The following EXOC6B variants were observed in gnomAD, a reference collection of about 807,000 sequenced individuals.
The protein encoded by EXOC6B is SEC15 homolog B.
EXOC6B carries 54 observed loss-of-function variants against 113.5 expected under a neutral mutation model. The observed-to-expected ratio is 0.48, with a 90% CI of 0.38 to 0.60. The LOEUF is 0.60. Among genes scored for constraint, EXOC6B ranks in the 20% least tolerant of loss-of-function variants. EXOC6B has a pLI of 0.00. For missense variants in EXOC6B, 797 were observed against 977.5 expected, an observed-to-expected ratio of 0.82 and a Z score of 2.46; for synonymous variants, 357 against 339.0, an observed-to-expected ratio of 1.05 and a Z score of -0.58.
At chr2:72,414,943 G>A (rs541777277) in intron 18 of EXOC6B, among the ~76,000 whole-genome samples, 114 of 152,010 alleles carry the variant, frequency 7.5e-4, no homozygotes, top group African/African-American at 2.5e-3. Flanking sequence ...ACAAGGTTTC[G>A]CCATGTTGCC....
intron 16 of EXOC6B, among the ~76,000 whole-genome samples, chr2:72,486,878 A>C (rs1034544987): frequency 6.6e-6 from 1 of 152,120 alleles, no homozygotes; most frequent in Admixed American, 6.5e-5. Context: ...AAACAAAAAA[A>C]AAAACCTGTC....
At chr2:72,546,938 T>C (rs1056533469) in intron 8 of EXOC6B, among the ~76,000 whole-genome samples, 1 of 152,224 alleles carries the variant, frequency 6.6e-6, no homozygotes. Flanking sequence ...CTGTAGTCAA[T>C]AGATACCTGA....
chr2:72,256,744 T>C (rs920321054), intron 20 of EXOC6B, among the ~76,000 whole-genome samples: 5 of 152,218 alleles, frequency 3.3e-5, no homozygotes, highest in African/African-American at 1.2e-4. Context: ...TATCTATTTT[T>C]ACAAAGCTGC....
At chr2:72,676,932 T>C (rs1475849430) in intron 6 of EXOC6B, among the ~76,000 whole-genome samples, 1 of 152,194 alleles carries the variant, frequency 6.6e-6, no homozygotes, top group Non-Finnish European at 1.5e-5. Flanking sequence ...AAAGGAATTC[T>C]ACCAAAAACC....
In EXOC6B at chr2:72,231,836, A is replaced by G. The variant is rs1489841363; in HGVS notation, c.2197-47649T>C. ...CTTATACACTGCTGGTGGGAATGTA[A>G]ATTAGTTCAGCCATTGTGGAAAGCA... On this transcript the variant is annotated intron_variant, in intron 20 of 21. Transcript: ENST00000272427. 4.6e-5 allele frequency among the ~76,000 whole-genome samples: 7 copies of G among 152,272 alleles called. No homozygotes were observed. In the East Asian group the frequency reaches 1.4e-3, roughly 29 times the overall value.
intron 18 of EXOC6B, among the ~76,000 whole-genome samples, chr2:72,404,552 A>G (rs1366213308): frequency 6.6e-6 from 1 of 152,152 alleles, no homozygotes; most frequent in Non-Finnish European, 1.5e-5. Flanking sequence ...CTGTTCACCA[A>G]TATTCACTGT....
At chr2:72,186,992 G>A (rs978874383) in intron 20 of EXOC6B, among the ~76,000 whole-genome samples, 1 of 152,182 alleles carries the variant, frequency 6.6e-6, no homozygotes, top group African/African-American at 2.4e-5. Context: ...AGGGACACTG[G>A]AGTCAGGTGT....
intron 1 of EXOC6B, among the ~76,000 whole-genome samples, chr2:72,816,173 TA>T (rs1417072828): frequency 2.0e-5 from 3 of 151,632 alleles, no homozygotes; most frequent in Non-Finnish European, 4.4e-5. Flanking sequence ...ACAAAACAAA[TA>T]AAAAAAGAAA....
At chr2:72,581,040 G>C (rs1425570367) in intron 6 of EXOC6B, among the ~76,000 whole-genome samples, 1 of 152,112 alleles carries the variant, frequency 6.6e-6, no homozygotes, top group East Asian at 1.9e-4. Context: ...CAACTCCGCA[G>C]GCTAAGAGAA....
rs186171451 is a variant in EXOC6B at position 72,789,809 on chromosome 2, G to A, written c.113+35989C>T. On this transcript the variant is annotated intron_variant, in intron 1 of 21. Transcript: ENST00000272427. ...ATTGAATCTAGGTGATTGTTCTTTC[G>A]ATTTTTTTGCAAGTTAGGGATTTTT... Among the ~76,000 whole-genome samples the A allele has an allele frequency of 4.5e-4, 69 of 152,198 alleles. 1 individual carries two copies. The East Asian group carries it at 0.012, about 26-fold the overall frequency.
At chr2:72,459,136 C>G (rs1355657946) in intron 18 of EXOC6B, among the ~76,000 whole-genome samples, 1 of 152,078 alleles carries the variant, frequency 6.6e-6, no homozygotes. Flanking sequence ...GCAGAAAAGG[C>G]CTTTGACAAA....
intron 8 of EXOC6B, among the ~76,000 whole-genome samples, chr2:72,527,023 A>T (rs1179500507): frequency 6.6e-6 from 1 of 151,960 alleles, no homozygotes. Context: ...GACTACAAGG[A>T]TCCTCAAGTT....
chr2:72,277,221 CAAAT>C (rs1684856853), intron 20 of EXOC6B, among the ~76,000 whole-genome samples: 1 of 152,122 alleles, frequency 6.6e-6, no homozygotes, highest in Non-Finnish European at 1.5e-5. Flanking sequence ...TTCTTCCCCA[CAAAT>C]AAATTTTATA....
chr2:72,543,655 AC>A (rs1177874254), intron 8 of EXOC6B, among the ~76,000 whole-genome samples: 1 of 152,208 alleles, frequency 6.6e-6, no homozygotes, highest in Non-Finnish European at 1.5e-5. Flanking sequence ...GATCACAGCT[AC>A]TACAAACCGG....
chr2:72,812,824 A>G (rs76401233), intron 1 of EXOC6B, among the ~76,000 whole-genome samples: 9,932 of 152,236 alleles, frequency 0.065, 1,098 homozygotes, highest in African/African-American at 0.22. Flanking sequence ...GTCTACCAGT[A>G]TCAGGATATT....
chr2:72,439,773 TAC>T (rs1696087641), intron 18 of EXOC6B, among the ~76,000 whole-genome samples: 1 of 152,236 alleles, frequency 6.6e-6, no homozygotes, highest in Non-Finnish European at 1.5e-5. Flanking sequence ...GGAGAGGTGA[TAC>T]AGTCATTTGG....
At chr2:72,719,094 T>G (rs150581429) in intron 5 of EXOC6B, among the ~76,000 whole-genome samples, 6 of 152,212 alleles carry the variant, frequency 3.9e-5, no homozygotes, top group Non-Finnish European at 7.3e-5. Context: ...AGTGGGACTC[T>G]GTAGCTTTCT....
rs1553396399 is a variant in EXOC6B, at chr2:72,397,625, A to AAAAATAAAAT, written c.1981-17765_1981-17756dup. 8.0e-4 allele frequency among the ~76,000 whole-genome samples: 83 copies of AAAAATAAAAT among 104,172 alleles called. 2 individuals are homozygous for AAAAATAAAAT. The highest frequency in any genetic ancestry group is 6.1e-3 in the African/African-American group (77 of 12,716). 68.3% of individuals were successfully genotyped at this position (104,172 alleles called of 152,430 possible). A position where few individuals can be genotyped will look rare whatever the true frequency, so the allele number is the denominator to read the frequency against. Reference sequence around the variant, plus strand: ...CAGGTGAAACCTCATCTCAAAAAAAAAAAATAAAATAAAATAAAATAAAAT... The same window carrying AAAAATAAAAT: ...CAGGTGAAACCTCATCTCAAAAAAAAAAAATAAAATAAAATAAAATAAAATAAAATAAAAT... On this transcript the variant is annotated intron_variant, in intron 18 of 21. Transcript: ENST00000272427.
chr2:72,225,174 T>G (rs1681159066), intron 20 of EXOC6B, among the ~76,000 whole-genome samples: 1 of 151,950 alleles, frequency 6.6e-6, no homozygotes, highest in Non-Finnish European at 1.5e-5. Flanking sequence ...GACATCAAAC[T>G]GCTTTATTTT....
Sources: allele counts gnomAD v4.1 joint callset (sites outside exome capture counted in the v4.1 genomes callset), GRCh38; gene constraint gnomAD v4.1.1; transcripts MANE v1.5; gene names NCBI Gene and HGNC (gene_info 2026-07-23, HGNC 2026-07-21).